Variants in LMO7 observed in about 807,000 individuals in gnomAD.
The protein encoded by LMO7 is LIM domain 7, also known as LIM domain only protein 7.
LMO7 carries 120 observed loss-of-function variants against 206.5 expected under a neutral mutation model. The ratio of observed to expected loss-of-function variants is 0.58; its 90% CI spans 0.50 to 0.68. LMO7 has a LOEUF of 0.68. Among genes scored for constraint, LMO7 ranks in the 30% least tolerant of loss-of-function variants. LMO7 has a pLI of 0.00. For missense variants in LMO7, 1,959 were observed against 1,957.9 expected (o/e 1.00, Z -0.01); for synonymous variants, 706 against 681.5 (o/e 1.04, Z -0.56).
At chr13:75,846,223 C>T (rs571092198) in intron 26 of LMO7, among the ~76,000 whole-genome samples, 1 of 152,178 alleles carries the variant, frequency 6.6e-6, no homozygotes, top group Admixed American at 6.5e-5. Context: ...AGTCTGGTGG[C>T]AGCTAGTTTA....
intron 1 of LMO7, among the ~76,000 whole-genome samples, chr13:75,651,469 C>T (rs1173024613): frequency 6.6e-6 from 1 of 152,012 alleles, no homozygotes; most frequent in Non-Finnish European, 1.5e-5. Context: ...GCCACCATGC[C>T]TGGCTAATTT....
At chr13:75,731,069 T>C (rs1040076366) in intron 3 of LMO7, among the ~76,000 whole-genome samples, 3 of 151,950 alleles carry the variant, frequency 2.0e-5, no homozygotes, top group African/African-American at 7.3e-5. Flanking sequence ...AATTTTGGAA[T>C]AGGTGTGGTG....
intron 15 of LMO7, among the ~76,000 whole-genome samples, chr13:75,826,088 TG>T (rs2058088030): frequency 1.3e-5 from 2 of 152,130 alleles, no homozygotes; most frequent in South Asian, 4.1e-4. Context: ...TTGCCCAGGC[TG>T]TAGTGCAGTG....
At chr13:75,699,439 A>G (rs1385788551) in intron 1 of LMO7, among the ~76,000 whole-genome samples, 44 of 150,376 alleles carry the variant, frequency 2.9e-4, no homozygotes, top group Non-Finnish European at 1.5e-5. Context: ...GTATCAAGGG[A>G]ACCAGCCCCC....
At chr13:75,782,909 T>A (rs1172361357) in intron 4 of LMO7, among the ~76,000 whole-genome samples, 1 of 152,190 alleles carries the variant, frequency 6.6e-6, no homozygotes, top group African/African-American at 2.4e-5. Context: ...TTTAATCACA[T>A]TTGTAAAGTC....
At chr13:75,763,902 GT>G (rs144036283) in intron 4 of LMO7, among the ~76,000 whole-genome samples, 7,086 of 152,132 alleles carry the variant, frequency 0.047, 410 homozygotes, top group African/African-American at 0.13. Context: ...GACTCCAACT[GT>G]TTTTCAGTTT....
At chr13:75,810,997 T>C (rs1647481388) in intron 11 of LMO7, among the ~76,000 whole-genome samples, 1 of 152,194 alleles carries the variant, frequency 6.6e-6, no homozygotes, top group Non-Finnish European at 1.5e-5. Flanking sequence ...CCAAGGTAAC[T>C]ACACAAATAA....
intron 3 of LMO7, among the ~76,000 whole-genome samples, chr13:75,748,117 A>G (rs2046998855): frequency 6.6e-6 from 1 of 152,190 alleles, no homozygotes; most frequent in Non-Finnish European, 1.5e-5. Flanking sequence ...TGGAAGCTGG[A>G]AAAGGTGAGG....
chr13:75,784,306 G>A (rs1262852923), intron 4 of LMO7, among the ~76,000 whole-genome samples: 2 of 152,062 alleles, frequency 1.3e-5, no homozygotes. Context: ...TTGTATCTTG[G>A]GATTGTGCCA....
intron 4 of LMO7, among the ~76,000 whole-genome samples, chr13:75,783,891 T>C (rs533292195): frequency 1.3e-5 from 2 of 152,332 alleles, no homozygotes; most frequent in Non-Finnish European, 2.9e-5. Flanking sequence ...ATACCTTTTC[T>C]AGGTTACAGT....
intron 1 of LMO7, among the ~76,000 whole-genome samples, chr13:75,675,354 A>G (rs918720935): frequency 2.0e-5 from 3 of 152,208 alleles, no homozygotes; most frequent in African/African-American, 7.2e-5. Context: ...GATTACAGGC[A>G]TGAGCCACCG....
chr13:75,804,348 G>T lies in LMO7; in HGVS notation c.721G>T (p.Asp241Tyr), dbSNP rs1482131326. ...TFKMQDYNKD[D>Y]MSYRRISAVE... Reference sequence around the variant, plus strand: ...TAAGATGCAGGATTATAATAAAGATGATATGTCGTATCGAAGGATTTCGGC... The same window carrying T: ...TAAGATGCAGGATTATAATAAAGATTATATGTCGTATCGAAGGATTTCGGC... Residue 241 changes from aspartate to tyrosine, a missense_variant, in exon 8 of 31, where the codon GAT (aspartate) becomes TAT (tyrosine). Asp to Tyr is a radical substitution (Grantham distance 160). Coordinates refer to ENST00000377534, the MANE Select transcript of LMO7 (RefSeq NM_001306080.2). 6.2e-7 allele frequency: 1 copy of T among 1,613,864 alleles called. No individual in the cohort carries two copies. Among genetic ancestry groups the T allele is most frequent in the Non-Finnish European group, 8.5e-7 (1 of 1,179,844 alleles).
chr13:75,839,727 C>CTTTTTTTTT (rs35308084), intron 20 of LMO7: 1 of 145,392 alleles, frequency 6.9e-6, no homozygotes, highest in Non-Finnish European at 1.5e-5. Context: ...ATTTGAAATT[C>CTTTTTTTTT]TTTTTTTTTT....
intron 3 of LMO7, among the ~76,000 whole-genome samples, chr13:75,750,086 A>G (rs2047152634): frequency 6.6e-6 from 1 of 152,100 alleles, no homozygotes; most frequent in African/African-American, 2.4e-5. Context: ...TGGCACATCA[A>G]AGCACACACA....
intron 1 of LMO7, among the ~76,000 whole-genome samples, chr13:75,710,226 G>A (rs1306909358): frequency 1.3e-5 from 2 of 152,196 alleles, no homozygotes; most frequent in Non-Finnish European, 2.9e-5. Flanking sequence ...TTGAGGTCAG[G>A]TAGCGTGATA....
At position 75,821,237 on chromosome 13, in the gene LMO7, T is replaced by C. The variant is rs1163077129; in HGVS notation, c.2268T>C (p.Asp756=). ...GAAGGAGAATGTATTCTTTTGATGA[T>C]GTGCTGGAGGAAGGAAAGCGACCCC... ...PSRRRMYSFD[D]VLEEGKRPPT... is the part of the protein sequence containing the mutation. The change falls in exon 14 of 31, where the codon GAT becomes GAC. Residue 756 remains aspartate (D), a synonymous_variant. Coordinates refer to ENST00000377534, the MANE Select transcript of LMO7 (RefSeq NM_001306080.2). 3 of 1,613,412 alleles carry C rather than the reference T, an allele frequency of 1.9e-6. No individual in the cohort carries two copies. Among genetic ancestry groups the C allele is most frequent in the Non-Finnish European group, 2.5e-6 (3 of 1,179,788 alleles).
chr13:75,800,769 T>C lies in LMO7; in HGVS notation c.548T>C (p.Leu183Pro), dbSNP rs765284437. ...DIWCPERGEF[L>P]APPRHHKRED... The stretch of plus-strand genomic sequence containing the variant: ...TGGTGTCCTGAACGTGGAGAATTTC[T>C]TGCTCCTCCAAGGCACCATAAGAGA... Residue 183 changes from leucine to proline, a missense_variant, in exon 7 of 31, where the codon CTT (leucine) becomes CCT (proline). Transcript: ENST00000377534. 6.2e-7 allele frequency: 1 copy of C among 1,614,120 alleles called. No individual in the cohort carries two copies. The highest frequency in any genetic ancestry group is 8.5e-7 in the Non-Finnish European group (1 of 1,179,938).
At chr13:75,659,617 G>A (rs1024005536) in intron 1 of LMO7, among the ~76,000 whole-genome samples, 49 of 152,118 alleles carry the variant, frequency 3.2e-4, no homozygotes, top group Admixed American at 2.9e-3. Flanking sequence ...GGGAAAGACC[G>A]GCCCACATGA....
intron 4 of LMO7, among the ~76,000 whole-genome samples, chr13:75,766,683 GATGAC>G (rs1265038329): frequency 6.6e-6 from 1 of 151,784 alleles, no homozygotes; most frequent in African/African-American, 2.4e-5. Flanking sequence ...TCTAATTGGA[GATGAC>G]ATAGGTTTCT....
Sources: allele counts gnomAD v4.1 joint callset (sites outside exome capture counted in the v4.1 genomes callset), GRCh38; gene constraint gnomAD v4.1.1; transcripts MANE v1.5; gene names NCBI Gene and HGNC (gene_info 2026-07-23, HGNC 2026-07-21).